Variants in LRRTM4 observed in about 807,000 individuals in gnomAD.
LRRTM4 encodes the protein leucine rich repeat transmembrane neuronal 4.
In LRRTM4, 25 loss-of-function variants were observed where a neutral mutation model predicts 47.6. The ratio of observed to expected loss-of-function variants is 0.53; its 90% CI spans 0.38 to 0.73. LRRTM4 has a LOEUF of 0.73. Ranked by LOEUF, LRRTM4 falls within the 30% of genes least tolerant of loss-of-function variation. The probability of loss-of-function intolerance (pLI) is 0.00; values close to 1 mark genes in which losing one functional copy is unlikely to be tolerated. For missense variants in LRRTM4, 638 were observed against 713.4 expected (o/e 0.89, Z 1.20); for synonymous variants, 311 against 269.5 (o/e 1.15, Z -1.51).
intron 3 of LRRTM4, among the ~76,000 whole-genome samples, chr2:76,915,918 G>T (rs1479606799): frequency 6.6e-6 from 1 of 152,024 alleles, no homozygotes. Flanking sequence ...AATATTTATT[G>T]GTGAACAAAA....
chr2:77,378,508 T>C (rs1672923291), intron 3 of LRRTM4, among the ~76,000 whole-genome samples: 1 of 152,138 alleles, frequency 6.6e-6, no homozygotes, highest in Non-Finnish European at 1.5e-5. Flanking sequence ...GAAAACACAT[T>C]ATATGTATTT....
At chr2:77,342,108 C>A (rs1368059761) in intron 3 of LRRTM4, among the ~76,000 whole-genome samples, 1 of 151,986 alleles carries the variant, frequency 6.6e-6, no homozygotes, top group African/African-American at 2.4e-5. Flanking sequence ...ATGTACTATA[C>A]CAATACACTC....
chr2:76,749,099 A>G (rs1672756159), intron 3 of LRRTM4, among the ~76,000 whole-genome samples, 183 bp from the exon 4 acceptor site: 6 of 152,222 alleles, frequency 3.9e-5, no homozygotes. Context: ...TTTTGTCAGC[A>G]TATTATGTGT....
At chr2:77,015,133 T>C (rs10190179) in intron 3 of LRRTM4, among the ~76,000 whole-genome samples, 84,838 of 151,762 alleles carry the variant, frequency 0.56, 26,048 homozygotes, top group African/African-American at 0.82. Context: ...AAAAGATTTT[T>C]TCCCTGTGCA....
chr2:77,237,330 T>C (rs915896254), intron 3 of LRRTM4, among the ~76,000 whole-genome samples: 23 of 152,128 alleles, frequency 1.5e-4, no homozygotes, highest in Non-Finnish European at 2.4e-4. Context: ...TTCTAGTTTG[T>C]ATACAAAGAA....
intron 3 of LRRTM4, among the ~76,000 whole-genome samples, chr2:76,789,707 G>A (rs1331518378): frequency 6.6e-6 from 1 of 152,158 alleles, no homozygotes; most frequent in African/African-American, 2.4e-5. Context: ...TGAGGGAGGA[G>A]TGTTAATCTG....
At chr2:77,168,820 T>G (rs1672963526) in intron 3 of LRRTM4, among the ~76,000 whole-genome samples, 1 of 152,154 alleles carries the variant, frequency 6.6e-6, no homozygotes, top group Non-Finnish European at 1.5e-5. Flanking sequence ...CTTGGCTTAC[T>G]TCACTTAACA....
chr2:77,368,821 T>C (rs1052652359), intron 3 of LRRTM4, among the ~76,000 whole-genome samples: 9 of 151,778 alleles, frequency 5.9e-5, no homozygotes, highest in African/African-American at 2.2e-4. Context: ...TAGCTATCTT[T>C]ATGAGGTGGT....
chr2:77,449,675 G>T (rs1676182317), intron 3 of LRRTM4, among the ~76,000 whole-genome samples: 1 of 152,198 alleles, frequency 6.6e-6, no homozygotes, highest in Admixed American at 6.5e-5. Context: ...ATACACTGCT[G>T]AAAAAGGTAG....
rs996255328 is a variant in LRRTM4, at chr2:77,101,913, T to A, written c.1552-352997A>T. Among the ~76,000 whole-genome samples the A allele has an allele frequency of 2.6e-5, 4 of 152,236 alleles. 1 individual carries two copies. The highest frequency in any genetic ancestry group is 2.6e-4 in the Admixed American group (4 of 15,278). On this transcript the variant is annotated intron_variant, in intron 3 of 3. Transcript: ENST00000409884. ...GTAAGCCTGTCTTTACATTAGAACATCCTTGCTACATGAGTCTTCAAAAAA... is the reference window on the plus strand; with the variant it reads ...GTAAGCCTGTCTTTACATTAGAACAACCTTGCTACATGAGTCTTCAAAAAA...
intron 3 of LRRTM4, among the ~76,000 whole-genome samples, chr2:77,403,736 T>C (rs1331643598): frequency 6.6e-6 from 1 of 151,832 alleles, no homozygotes; most frequent in Non-Finnish European, 1.5e-5. Context: ...CACATTTTGA[T>C]ACCATTGTCT....
In LRRTM4 at chr2:77,359,353, T is replaced by TA. The variant is rs35001888; in HGVS notation, c.1551+158964dup. On this transcript the variant is annotated intron_variant, in intron 3 of 3. Coordinates refer to ENST00000409884, the MANE Select transcript of LRRTM4 (RefSeq NM_001134745.3). ...ATAATCAATCATTTCCTCTCTCAGGTAAAAAGGCATATATAAAATTCTTAG... is the reference window on the plus strand; with the variant it reads ...ATAATCAATCATTTCCTCTCTCAGGTAAAAAAGGCATATATAAAATTCTTAG... Among the ~76,000 whole-genome samples, 554 of 152,244 alleles carry TA rather than the reference T, an allele frequency of 3.6e-3. 5 individuals are homozygous for TA. The highest frequency in any genetic ancestry group is 0.012 in the African/African-American group (519 of 41,544).
intron 3 of LRRTM4, among the ~76,000 whole-genome samples, chr2:77,336,357 C>T (rs948181289): frequency 1.3e-5 from 2 of 151,956 alleles, no homozygotes; most frequent in Non-Finnish European, 2.9e-5. Context: ...TTGCCACATC[C>T]TATGAGAGGC....
At chr2:77,216,113 A>T (rs1674432728) in intron 3 of LRRTM4, among the ~76,000 whole-genome samples, 1 of 152,104 alleles carries the variant, frequency 6.6e-6, no homozygotes, top group African/African-American at 2.4e-5. Flanking sequence ...CAATACAACT[A>T]ATACTTGAAT....
chr2:76,778,024 GT>G (rs1674132588), intron 3 of LRRTM4, among the ~76,000 whole-genome samples: 1 of 148,038 alleles, frequency 6.8e-6, no homozygotes, highest in Non-Finnish European at 1.5e-5. Context: ...TAATCATGTG[GT>G]TTTTGTCTTT....
chr2:77,351,091 G>C (rs1314336234), intron 3 of LRRTM4, among the ~76,000 whole-genome samples: 6 of 151,974 alleles, frequency 3.9e-5, no homozygotes, highest in African/African-American at 1.2e-4. Context: ...GCTCATGTAG[G>C]CTCCAGTGCC....
At chr2:77,129,701 GAACA>G (rs951015048) in intron 3 of LRRTM4, among the ~76,000 whole-genome samples, 1 of 152,134 alleles carries the variant, frequency 6.6e-6, no homozygotes, top group Non-Finnish European at 1.5e-5. Context: ...GAGTGTTCTA[GAACA>G]AACATTCAGA....
At chr2:77,340,659 A>G (rs1014038249) in intron 3 of LRRTM4, among the ~76,000 whole-genome samples, 2 of 151,968 alleles carry the variant, frequency 1.3e-5, no homozygotes, top group Admixed American at 6.6e-5. Context: ...GTGTAGAAAT[A>G]AAATAATTTA....
chr2:76,974,169 C>T (rs13426850), intron 3 of LRRTM4, among the ~76,000 whole-genome samples: 5 of 118,442 alleles, frequency 4.2e-5, no homozygotes, highest in South Asian at 2.3e-4. Context: ...TATATATATA[C>T]ATACATATAT....
Sources: gnomAD v4.1 joint callset for allele counts (sites outside exome capture counted in the v4.1 genomes callset) on GRCh38, gnomAD v4.1.1 for gene constraint, MANE v1.5 for transcripts, NCBI Gene and HGNC (gene_info 2026-07-23, HGNC 2026-07-21) for gene names.